ZBTB8B: variants seen among roughly 807,000 people sequenced by gnomAD.
ZBTB8B encodes zinc finger and BTB domain containing 8B, also known as zinc finger and BTB domain-containing protein 8B.
Under a neutral mutation model 30.3 loss-of-function variants are expected in ZBTB8B, and 17 were observed. The ratio of observed to expected loss-of-function variants is 0.56; its 90% CI spans 0.38 to 0.84. ZBTB8B has a LOEUF of 0.84. Ranked by LOEUF, ZBTB8B falls within the 40% of genes least tolerant of loss-of-function variation. ZBTB8B has a pLI of 0.00. For missense variants in ZBTB8B, 515 were observed against 644.9 expected (o/e 0.80, Z 2.18); for synonymous variants, 248 against 255.6 (o/e 0.97, Z 0.28).
At chr1:32,472,692 C>A (rs1643633534) in intron 2 of ZBTB8B, among the ~76,000 whole-genome samples, 1 of 152,206 alleles carries the variant, frequency 6.6e-6, no homozygotes, top group African/African-American at 2.4e-5. Flanking sequence ...CGGCTCACTG[C>A]AACCTCTGCC....
intron 2 of ZBTB8B, among the ~76,000 whole-genome samples, chr1:32,474,545 A>G (rs939795887): frequency 5.3e-5 from 8 of 151,202 alleles, no homozygotes; most frequent in African/African-American, 1.9e-4. Flanking sequence ...AAAAAAAAGG[A>G]AAAAGAAAAA....
At chr1:32,479,661 G>T (rs942816010) in intron 2 of ZBTB8B, among the ~76,000 whole-genome samples, 1 of 152,330 alleles carries the variant, frequency 6.6e-6, no homozygotes, top group East Asian at 1.9e-4. Flanking sequence ...CACAGGATCC[G>T]CAGGGCTGAC....
Position 32,485,698 on chromosome 1 carries a change from G to T in ZBTB8B, c.*280G>T, listed in dbSNP as rs1455167039. 5 of 394,882 alleles carry T rather than the reference G, an allele frequency of 1.3e-5. No homozygotes were observed. Among genetic ancestry groups the T allele is most frequent in the Non-Finnish European group, 1.8e-5 (4 of 218,502 alleles). 24.5% of individuals were successfully genotyped at this position (394,882 alleles called of 1,614,324 possible). On this transcript the variant is annotated 3_prime_UTR_variant, in exon 4 of 4. Transcript: ENST00000609129. The stretch of plus-strand genomic sequence containing the variant: ...CCTGAGGTCTCCTGTTTTTCTTGCT[G>T]TGTGTCCAAACTCTGGTTAGGAGAA...
Position 32,471,416 on chromosome 1 carries a change from C to A in ZBTB8B, c.792C>A (p.Ser264Arg), listed in dbSNP as rs1268662120. ...NLAHVEEALP[S>R]GQAVDLAYSN... ...CCCACGTGGAGGAGGCCTTGCCAAGCGGCCAGGCGGTTGACTTGGCTTACA... is the reference window on the plus strand; with the variant it reads ...CCCACGTGGAGGAGGCCTTGCCAAGAGGCCAGGCGGTTGACTTGGCTTACA... Residue 264 changes from serine (S) to arginine (R), a missense_variant, in exon 2 of 4, where the codon AGC (serine) becomes AGA (arginine). Around this residue, in one of 3 missense-constraint regions of ZBTB8B, gnomAD observed 429 missense variants for 504.3 expected, o/e 0.85. Transcript: ENST00000609129. The A allele has an allele frequency of 6.4e-6, 10 of 1,551,708 alleles. No homozygotes were observed. Among genetic ancestry groups the A allele is most frequent in the Non-Finnish European group, 8.7e-6 (10 of 1,147,036 alleles).
At chr1:32,467,664 G>A (rs1278084627) in intron 1 of ZBTB8B, among the ~76,000 whole-genome samples, 1 of 152,178 alleles carries the variant, frequency 6.6e-6, no homozygotes, top group African/African-American at 2.4e-5. Context: ...GCCAGATACT[G>A]TAAGGGATAT....
At chr1:32,483,745 A>G (rs1472345212) in intron 3 of ZBTB8B, among the ~76,000 whole-genome samples, 2 of 151,774 alleles carry the variant, frequency 1.3e-5, no homozygotes, top group African/African-American at 2.4e-5. Flanking sequence ...GTGTCCAATG[A>G]GAGGGAAAAA....
chr1:32,482,669 CAA>C (rs1050028688), intron 3 of ZBTB8B, among the ~76,000 whole-genome samples: 2 of 40,080 alleles, frequency 5.0e-5, no homozygotes, highest in Admixed American at 2.8e-4. Context: ...GACTCCGTGT[CAA>C]AAAAAAAAAA....
rs1643799279 is a variant in ZBTB8B, at chr1:32,494,055, A to T, written c.*8637A>T. The T allele has an allele frequency of 6.6e-6, 1 of 151,716 alleles. No homozygotes were observed. The allele number at this position is 151,716 out of a possible 1,614,324, so 9.4% of individuals were successfully genotyped here. A position where few individuals can be genotyped will look rare whatever the true frequency, so the allele number is the denominator to read the frequency against. On this transcript the variant is annotated 3_prime_UTR_variant, in exon 4 of 4. Transcript: ENST00000609129. ...ATCTCTACTAAAAATATACAAAATT[A>T]GCCTGTAATTCCAGCTACTTGGGAA...
At position 32,485,224 on chromosome 1, in the gene ZBTB8B, G is replaced by T. The variant is rs564670427; in HGVS notation, c.1294G>T (p.Asp432Tyr). The change falls in exon 4 of 4, where the codon GAT becomes TAT. Residue 432 changes from aspartate (D) to tyrosine (Y), a missense_variant. This residue lies in a region of ZBTB8B where 429 missense variants were observed against 504.3 expected (regional missense o/e 0.85). Transcript: ENST00000609129. Reference sequence around the variant, plus strand: ...CTGCACCTGCGTTACAGACACACCCGATGATGATGATGATTTGATGCCCAT... The same window carrying T: ...CTGCACCTGCGTTACAGACACACCCTATGATGATGATGATTTGATGCCCAT... ...DSCTCVTDTP[D>Y]DDDDLMPINL... The T allele has an allele frequency of 1.3e-6, 2 of 1,551,458 alleles. No homozygotes were observed. The highest frequency in any genetic ancestry group is 2.7e-5 in the African/African-American group (2 of 73,026).
rs758703983 is a variant in ZBTB8B, at chr1:32,471,050, GGCGGCGGCTGCA to G, written c.435_446del (p.Ala150_Ala153del). On this transcript the variant is annotated inframe_deletion, in exon 2 of 4. Transcript: ENST00000609129. ...TGGCTGCAGCAGTGGCGGCGGCAGC[GGCGGCGGCTGCA>G]GCGGCGGCAGCAGCGGCGGCTCATC... 106 of 1,549,626 alleles carry G rather than the reference GGCGGCGGCTGCA, an allele frequency of 6.8e-5. 1 individual carries two copies. In the Middle Eastern group the frequency reaches 2.0e-3, roughly 29 times the overall value.
Position 32,481,066 on chromosome 1 carries a change from G to C in ZBTB8B, c.1167G>C (p.Leu389=). The C allele has an allele frequency of 6.5e-7, 1 of 1,548,792 alleles. No homozygotes were observed. The highest frequency in any genetic ancestry group is 1.2e-5 in the South Asian group (1 of 83,476). ...AAGAGCACCTGCGGAGCCACGCACT[G>C]AGTGTAAGTGTTCGAGCTGGCCATG... The part of the protein sequence containing the change: ...TRQEHLRSHA[L]SVHRSNRPII... Residue 389 remains leucine (L), a synonymous_variant, in exon 3 of 4, where the codon CTG becomes CTC. Coordinates refer to ENST00000609129, the MANE Select transcript of ZBTB8B (RefSeq NM_001145720.2).
rs571880949 is a variant in ZBTB8B at position 32,474,315 on chromosome 1, C to T, written c.991+2700C>T. On this transcript the variant is annotated intron_variant, in intron 2 of 3. Coordinates refer to ENST00000609129, the MANE Select transcript of ZBTB8B (RefSeq NM_001145720.2). ...TGAGCCCAGGAGTTTGAGACCAGCC[C>T]GGGCAAGATGGCAAAACCCCATCTC... 8.3e-5 allele frequency among the ~76,000 whole-genome samples: 10 copies of T among 120,966 alleles called. No individual in the cohort carries two copies. The East Asian group carries it at 1.7e-3, about 20-fold the overall frequency. 79.4% of individuals were successfully genotyped at this position (120,966 alleles called of 152,430 possible).
In ZBTB8B at chr1:32,474,550, G is replaced by GA. The variant is rs762217301; in HGVS notation, c.991+2945dup. Among the ~76,000 whole-genome samples the GA allele has an allele frequency of 3.6e-3, 516 of 145,106 alleles. 1 individual carries two copies. Among genetic ancestry groups the GA allele is most frequent in the Non-Finnish European group, 6.8e-3 (446 of 65,634 alleles). Reference sequence around the variant, plus strand: ...CTTGTCTCAAAAAAAAAAGGAAAAAGAAAAAAAAAAGAAACACTTGAAAAT... The same window carrying GA: ...CTTGTCTCAAAAAAAAAAGGAAAAAGAAAAAAAAAAAGAAACACTTGAAAAT... On this transcript the variant is annotated intron_variant, in intron 2 of 3. Transcript: ENST00000609129.
chr1:32,494,207 A>G lies in ZBTB8B; in HGVS notation c.*8789A>G, dbSNP rs1031203834. ...TCAAAAAAAAAAAAAAAAAAAAAAA[A>G]GAAATCAGGATACATATAGGACAGA... On this transcript the variant is annotated 3_prime_UTR_variant, in exon 4 of 4. Coordinates refer to ENST00000609129, the MANE Select transcript of ZBTB8B (RefSeq NM_001145720.2). The G allele has an allele frequency of 1.4e-5, 2 of 146,828 alleles. No individual in the cohort carries two copies. Among genetic ancestry groups the G allele is most frequent in the African/African-American group, 2.5e-5 (1 of 39,552 alleles). 9.1% of individuals were successfully genotyped at this position (146,828 alleles called of 1,614,324 possible). A position where few individuals can be genotyped will look rare whatever the true frequency, so the allele number is the denominator to read the frequency against.
rs78551643 is a variant in ZBTB8B, at chr1:32,479,048, A to G, written c.992-1843A>G. Among the ~76,000 whole-genome samples the G allele has an allele frequency of 6.5e-3, 984 of 152,320 alleles. 8 individuals are homozygous for G. Among genetic ancestry groups the G allele is most frequent in the South Asian group, 0.018 (86 of 4,830 alleles). ...TCATACCTGTTTTACAGATGAGGAA[A>G]GTGAGGCACAGAGAAGCTAAGTGAG... On this transcript the variant is annotated intron_variant, in intron 2 of 3. Transcript: ENST00000609129.
intron 1 of ZBTB8B, among the ~76,000 whole-genome samples, chr1:32,466,406 A>G (rs1643570810): frequency 6.6e-6 from 1 of 152,148 alleles, no homozygotes; most frequent in African/African-American, 2.4e-5. Context: ...CGTTGAATTG[A>G]GTTGGAACCG....
chr1:32,493,875 G>A lies in ZBTB8B; in HGVS notation c.*8457G>A, dbSNP rs1643797988. 1 of 151,958 alleles carries A rather than the reference G, an allele frequency of 6.6e-6. No individual in the cohort carries two copies. The highest frequency in any genetic ancestry group is 1.5e-5 in the Non-Finnish European group (1 of 67,990). The allele number at this position is 151,958 out of a possible 1,614,324, so 9.4% of individuals were successfully genotyped here. ...CCCCACTGCATCTGGAGTGGGTCTTGGCTGGCCATGTGAACTAATTAATAC... is the reference window on the plus strand; with the variant it reads ...CCCCACTGCATCTGGAGTGGGTCTTAGCTGGCCATGTGAACTAATTAATAC... On this transcript the variant is annotated 3_prime_UTR_variant, in exon 4 of 4. Coordinates refer to ENST00000609129, the MANE Select transcript of ZBTB8B (RefSeq NM_001145720.2).
chr1:32,470,653 T>C lies in ZBTB8B; in HGVS notation c.29T>C (p.Leu10Pro). Residue 10 changes from leucine (L) to proline (P), a missense_variant, in exon 2 of 4, where the codon CTT becomes CCT. Around this residue, in one of 3 missense-constraint regions of ZBTB8B, gnomAD observed 25 missense variants for 22.9 expected, o/e 1.09. Coordinates refer to ENST00000609129, the MANE Select transcript of ZBTB8B (RefSeq NM_001145720.2). ...GAGATGCAATCCTATTATGCCAAGCTTTTGGGGGAGCTGAATGAACAGAGA... is the reference window on the plus strand; with the variant it reads ...GAGATGCAATCCTATTATGCCAAGCCTTTGGGGGAGCTGAATGAACAGAGA... MEMQSYYAK[L>P]LGELNEQRKR... The C allele has an allele frequency of 6.4e-7, 1 of 1,551,432 alleles. No individual in the cohort carries two copies.
chr1:32,466,941 C>T (rs1440802892), intron 1 of ZBTB8B, among the ~76,000 whole-genome samples: 1 of 152,130 alleles, frequency 6.6e-6, no homozygotes, highest in African/African-American at 2.4e-5. Flanking sequence ...TCCAGGAGTT[C>T]AAGACCATTG....
Sources: gnomAD v4.1 joint callset for allele counts (sites outside exome capture counted in the v4.1 genomes callset) on GRCh38, gnomAD v4.1.1 for gene constraint, gnomAD v4.1.1 regional missense constraint, MANE v1.5 for transcripts, NCBI Gene and HGNC (gene_info 2026-07-23, HGNC 2026-07-21) for gene names.